EPHB4: variants seen among roughly 807,000 people sequenced by gnomAD.
EPHB4 encodes EPH receptor B4.
In EPHB4, 50 loss-of-function variants were observed where a neutral mutation model predicts 110.6. The ratio of observed to expected loss-of-function variants is 0.45; its 90% CI spans 0.36 to 0.57. The LOEUF (loss-of-function observed/expected upper bound fraction) is 0.57, where lower values mean the gene tolerates loss of function less well. Ranked by LOEUF, EPHB4 falls within the 20% of genes least tolerant of loss-of-function variation. The pLI is 0.00. For synonymous variants in EPHB4, 592 were observed against 578.4 expected (o/e 1.02, Z -0.34); for missense variants, 1,128 against 1,382.1 (o/e 0.82, Z 2.91).
chr7:100,814,813 A>G (rs1243013973), intron 8 of EPHB4, among the ~76,000 whole-genome samples: 1 of 150,878 alleles, frequency 6.6e-6, no homozygotes, highest in East Asian at 2.0e-4. Context: ...CCAGGTGTTC[A>G]AGACCAGCCT....
rs1813256794 is a variant in EPHB4 at position 100,822,380 on chromosome 7, G to A, written c.699C>T (p.Pro233=). 6.4e-7 allele frequency: 1 copy of A among 1,572,460 alleles called. No individual in the cohort carries two copies. Among genetic ancestry groups the A allele is most frequent in the Non-Finnish European group, 8.6e-7 (1 of 1,158,038 alleles). ...CCTCACGGCAGTAGAGGCTGGGGCTGGGGCCAGGGGCGGGGACGGCATCCA... is the reference window on the plus strand; with the variant it reads ...CCTCACGGCAGTAGAGGCTGGGGCTAGGGCCAGGGGCGGGGACGGCATCCA... ...CVVDAVPAPG[P]SPSLYCREDG... The change falls in exon 4 of 17, where the codon CCC becomes CCT. Residue 233 remains proline (P), a synonymous_variant. Coordinates refer to ENST00000358173, the MANE Select transcript of EPHB4 (RefSeq NM_004444.5). This position sits in a 1 kb window ranked among gnomAD's most constrained non-coding sequence, Gnocchi z 4.7.
At chr7:100,820,624 G>C in intron 4 of EPHB4, 1 of 203,592 alleles carries the variant, frequency 4.9e-6, no homozygotes, top group Admixed American at 5.9e-5. Flanking sequence ...CGGCAGTCTG[G>C]TGAAGCCCAC....
chr7:100,826,760 C>G (rs1163186758), intron 1 of EPHB4: 1 of 495,828 alleles, frequency 2.0e-6, no homozygotes, highest in Non-Finnish European at 3.6e-6. Context: ...CGGGTCGTAG[C>G]CAGACTCCAT....
chr7:100,824,277 A>G lies in EPHB4; in HGVS notation c.53-4T>C, dbSNP rs1317991061. The G allele has an allele frequency of 1.2e-6, 2 of 1,613,698 alleles. No individual in the cohort carries two copies. The highest frequency in any genetic ancestry group is 1.7e-6 in the Non-Finnish European group (2 of 1,179,916). On this transcript the variant is annotated splice_polypyrimidine_tract_variant and splice_region_variant and intron_variant, in intron 1 of 16. Coordinates refer to ENST00000358173, the MANE Select transcript of EPHB4 (RefSeq NM_004444.5). ...AATTTTGTGTTCAGCAGGGTCTCTG[A>G]GACAGACAGAGAGACAGAGTCAGTG...
chr7:100,814,308 TCA>T (rs1202026461), intron 8 of EPHB4, among the ~76,000 whole-genome samples: 2 of 152,254 alleles, frequency 1.3e-5, no homozygotes, highest in African/African-American at 4.8e-5. Flanking sequence ...AGACGCAGTC[TCA>T]CTCTGTCGCC....
rs1584665687 is a variant in EPHB4 at position 100,822,222 on chromosome 7, G to A, written c.808+49C>T. On this transcript the variant is annotated intron_variant, in intron 4 of 16. Transcript: ENST00000358173. The surrounding 1 kb of genome is among the most constrained non-coding windows in gnomAD (Gnocchi z 4.7). ...GAAGTGGGTCCTGAGTGGAGTTCAG[G>A]ACTCTCCCCCGGATGAGCAGCAGTC... 1 of 1,526,332 alleles carries A rather than the reference G, an allele frequency of 6.6e-7. No individual in the cohort carries two copies. The highest frequency in any genetic ancestry group is 8.8e-7 in the Non-Finnish European group (1 of 1,137,800). 94.5% of individuals were successfully genotyped at this position (1,526,332 alleles called of 1,614,324 possible).
intron 5 of EPHB4, 88 bp downstream of exon 5, chr7:100,820,032 GCCAGGGACAAAGGGAAGAAGC>G: frequency 6.6e-7 from 1 of 1,519,596 alleles, no homozygotes; most frequent in Non-Finnish European, 8.8e-7. Flanking sequence ...GGACAAGCAT[GCCAGGGACAAAGGGAAGAAGC>G]CCAGGGAGGA....
At position 100,827,067 on chromosome 7, in the gene EPHB4, TG is replaced by T. The variant is rs1404689846; in HGVS notation, c.-38del. On this transcript the variant is annotated 5_prime_UTR_variant, in exon 1 of 17. Transcript: ENST00000358173. ...ACTCGGGTAGGATCCGAACTGAGTT[TG>T]GGGGGCCCTCGCCCCCCCAGGTCTG... 2 of 1,556,928 alleles carry T rather than the reference TG, an allele frequency of 1.3e-6. No individual in the cohort carries two copies. The highest frequency in any genetic ancestry group is 1.7e-6 in the Non-Finnish European group (2 of 1,150,550).
intron 1 of EPHB4, 92 bp from the exon 2 acceptor site, chr7:100,824,365 C>G: frequency 7.3e-7 from 1 of 1,373,226 alleles, no homozygotes. Flanking sequence ...GGTGGATCCT[C>G]TTAGCTCTGA....
chr7:100,811,500 C>T (rs1418540049), intron 12 of EPHB4, among the ~76,000 whole-genome samples: 3 of 152,058 alleles, frequency 2.0e-5, no homozygotes, highest in Non-Finnish European at 2.9e-5. Context: ...TCCAGTTTGC[C>T]GTGTGTATAG....
chr7:100,808,957 T>C (rs929034397), intron 12 of EPHB4, among the ~76,000 whole-genome samples: 1 of 152,106 alleles, frequency 6.6e-6, no homozygotes, highest in Admixed American at 6.6e-5. Flanking sequence ...TTCCAATCCA[T>C]CAGCAAGTTC....
intron 7 of EPHB4, among the ~76,000 whole-genome samples, chr7:100,818,287 C>G (rs1056163705): frequency 6.6e-6 from 1 of 152,182 alleles, no homozygotes; most frequent in Non-Finnish European, 1.5e-5. Context: ...CAGGCGTGAG[C>G]CACCGCACCC....
Position 100,813,647 on chromosome 7 carries a change from C to T in EPHB4, c.1756+5G>A, listed in dbSNP as rs1457688462. On this transcript the variant is annotated splice_donor_5th_base_variant and intron_variant, in intron 10 of 16. Transcript: ENST00000358173. ...CCCTATTCCCATCAAATTAGGGCAACCCACCATGTCCGATGAGATACTGTC... is the reference window on the plus strand; with the variant it reads ...CCCTATTCCCATCAAATTAGGGCAATCCACCATGTCCGATGAGATACTGTC... 1 of 1,613,936 alleles carries T rather than the reference C, an allele frequency of 6.2e-7. No homozygotes were observed. The highest frequency in any genetic ancestry group is 8.5e-7 in the Non-Finnish European group (1 of 1,179,966).
At chr7:100,811,679 G>A (rs533085253) in intron 12 of EPHB4, among the ~76,000 whole-genome samples, 3 of 152,026 alleles carry the variant, frequency 2.0e-5, no homozygotes, top group Admixed American at 6.6e-5. Context: ...GACCAGCCTG[G>A]GCAACCTATC....
rs951148907 is a variant in EPHB4, at chr7:100,820,015, G to C, written c.964+126C>G. 3 of 1,492,758 alleles carry C rather than the reference G, an allele frequency of 2.0e-6. No homozygotes were observed. The African/African-American group carries it at 4.2e-5, about 21-fold the overall frequency. The allele number at this position is 1,492,758 out of a possible 1,614,324, so 92.5% of individuals were successfully genotyped here. ...GACAGTGGGCTCCACATGTTCCTCC[G>C]GGCTAGGGACAAGCATGCCAGGGAC... On this transcript the variant is annotated intron_variant, in intron 5 of 16. Coordinates refer to ENST00000358173, the MANE Select transcript of EPHB4 (RefSeq NM_004444.5).
chr7:100,823,722 G>A lies in EPHB4; in HGVS notation c.333C>T (p.Phe111=), dbSNP rs374873829. The change falls in exon 3 of 17, where the codon TTC becomes TTT. Residue 111 remains phenylalanine, a synonymous_variant. Transcript: ENST00000358173. The part of the protein sequence containing the change: ...PRAGRSCKET[F]TVFYYESDAD... ...CATCGCTCTCATAGTAGAAGACGGT[G>A]AAGGTCTCCTTGCAGGAGCGCCCAG... The A allele has an allele frequency of 3.7e-6, 6 of 1,613,568 alleles. No homozygotes were observed. Among genetic ancestry groups the A allele is most frequent in the Non-Finnish European group, 5.1e-6 (6 of 1,179,988 alleles).
Position 100,823,138 on chromosome 7 carries a change from G to C in EPHB4, c.412-471C>G, listed in dbSNP as rs376618010. On this transcript the variant is annotated intron_variant, in intron 3 of 16. Coordinates refer to ENST00000358173, the MANE Select transcript of EPHB4 (RefSeq NM_004444.5). ...CCGCTTTAAAAATATAGATATAAAA[G>C]AAAAATAAATAAAGTAAAATGAGTG... is the stretch of plus-strand genomic sequence containing the variant. Among the ~76,000 whole-genome samples the C allele has an allele frequency of 4.7e-4, 72 of 152,210 alleles. 1 individual carries two copies. Among genetic ancestry groups the C allele is most frequent in the Middle Eastern group, 3.4e-3 (1 of 294 alleles).
chr7:100,816,173 A>C (rs1813062547), intron 8 of EPHB4, among the ~76,000 whole-genome samples: 1 of 152,042 alleles, frequency 6.6e-6, no homozygotes, highest in Non-Finnish European at 1.5e-5. Flanking sequence ...CTCAAAAAAA[A>C]AAATGTGAAA....
At chr7:100,808,401 T>G (rs933597491) in intron 12 of EPHB4, among the ~76,000 whole-genome samples, 1 of 152,172 alleles carries the variant, frequency 6.6e-6, no homozygotes, top group East Asian at 1.9e-4. Flanking sequence ...ACAAAGGGGT[T>G]TTTTTGGTAG....
Sources: allele counts gnomAD v4.1 joint callset (sites outside exome capture counted in the v4.1 genomes callset), GRCh38; gene constraint gnomAD v4.1.1; non-coding constraint Gnocchi (gnomAD v3.1); transcripts MANE v1.5; gene names NCBI Gene and HGNC (gene_info 2026-07-23, HGNC 2026-07-21).